Variants in ARID2 observed in about 807,000 individuals in gnomAD.
ARID2 encodes AT-rich interaction domain 2, also known as AT-rich interactive domain-containing protein 2.
In ARID2, 32 loss-of-function variants were observed where a neutral mutation model predicts 184.6. The observed-to-expected ratio is 0.17, with a 90% CI of 0.13 to 0.23. The LOEUF is 0.23. Among genes scored for constraint, ARID2 ranks in the 10% least tolerant of loss-of-function variants. The probability of loss-of-function intolerance (pLI) is 1.00; values close to 1 mark genes in which losing one functional copy is unlikely to be tolerated. For synonymous variants in ARID2, 836 were observed against 772.6 expected (o/e 1.08, Z -1.36); for missense variants, 1,696 against 2,197.6 (o/e 0.77, Z 4.56).
intron 4 of ARID2, among the ~76,000 whole-genome samples, chr12:45,816,602 G>C (rs992519534): frequency 6.6e-6 from 1 of 152,116 alleles, no homozygotes; most frequent in African/African-American, 2.4e-5. Flanking sequence ...AAAAAAATAT[G>C]TCCCGACAAA....
chr12:45,813,173 C>T (rs538781215), intron 4 of ARID2, among the ~76,000 whole-genome samples: 52 of 152,030 alleles, frequency 3.4e-4, no homozygotes, highest in African/African-American at 1.2e-3. Flanking sequence ...TTATGTGTAA[C>T]ATGTGTAATG....
rs563861209 is a variant in ARID2 at position 45,734,870 on chromosome 12, C to A, written c.284+3556C>A. Among the ~76,000 whole-genome samples, 6 of 152,130 alleles carry A rather than the reference C, an allele frequency of 3.9e-5. No individual in the cohort carries two copies. In the East Asian group the frequency reaches 9.7e-4, roughly 24 times the overall value. Reference sequence around the variant, plus strand: ...AAATTTTGTTTTTGCTTACTGATGCCAATATTACAGCTATAGTCAAGGTTA... The same window carrying A: ...AAATTTTGTTTTTGCTTACTGATGCAAATATTACAGCTATAGTCAAGGTTA... On this transcript the variant is annotated intron_variant, in intron 3 of 20. Coordinates refer to ENST00000334344, the MANE Select transcript of ARID2 (RefSeq NM_152641.4).
At position 45,851,113 on chromosome 12, in the gene ARID2, A is replaced by C. The variant is rs781109272; in HGVS notation, c.2990A>C (p.Gln997Pro). 6.2e-7 allele frequency: 1 copy of C among 1,614,052 alleles called. No homozygotes were observed. The highest frequency in any genetic ancestry group is 1.7e-5 in the Admixed American group (1 of 60,010). Residue 997 changes from glutamine to proline, a missense_variant, in exon 15 of 21, where the codon CAG becomes CCG. Physicochemically the swap from Gln to Pro is moderately conservative, Grantham distance 76. Transcript: ENST00000334344. Reference sequence around the variant, plus strand: ...TCGTCGTCCTCTACCCCTCAATCACAGGGACCACCTCCTACTGTCAGTCAA... The same window carrying C: ...TCGTCGTCCTCTACCCCTCAATCACCGGGACCACCTCCTACTGTCAGTCAA... ...AMSSSSTPQS[Q>P]GPPPTVSQML...
intron 4 of ARID2, among the ~76,000 whole-genome samples, chr12:45,816,439 G>T (rs565502099): frequency 6.6e-6 from 1 of 152,314 alleles, no homozygotes; most frequent in East Asian, 1.9e-4. Context: ...TGCTGGCCAG[G>T]ATGGAGAGCA....
At chr12:45,735,430 T>C (rs1223180566) in intron 3 of ARID2, among the ~76,000 whole-genome samples, 1 of 142,518 alleles carries the variant, frequency 7.0e-6, no homozygotes, top group Non-Finnish European at 1.6e-5. Flanking sequence ...TGTGTGTGTG[T>C]GTGTGTGTGT....
At chr12:45,848,090 A>G (rs1264796784) in intron 12 of ARID2, among the ~76,000 whole-genome samples, 2 of 151,994 alleles carry the variant, frequency 1.3e-5, no homozygotes, top group Admixed American at 1.3e-4. Context: ...GAGGGGGAAG[A>G]GAATCATTTT....
intron 16 of ARID2, among the ~76,000 whole-genome samples, chr12:45,861,472 T>C (rs1943745810): frequency 1.3e-5 from 2 of 152,120 alleles, no homozygotes; most frequent in Admixed American, 1.3e-4. Flanking sequence ...GAAGGAAAAC[T>C]TGAAAAGAAT....
At chr12:45,753,445 C>T (rs776890715) in intron 3 of ARID2, among the ~76,000 whole-genome samples, 1 of 152,168 alleles carries the variant, frequency 6.6e-6, no homozygotes, top group Non-Finnish European at 1.5e-5. Context: ...TGCACAGTTT[C>T]ACCTGTAAAA....
chr12:45,822,800 A>T (rs1394270090), intron 6 of ARID2, among the ~76,000 whole-genome samples: 1 of 152,160 alleles, frequency 6.6e-6, no homozygotes, highest in Non-Finnish European at 1.5e-5. Context: ...TCATATATGC[A>T]CTCAACACTG....
At chr12:45,867,036 C>T (rs897156901) in intron 16 of ARID2, among the ~76,000 whole-genome samples, 3 of 151,956 alleles carry the variant, frequency 2.0e-5, no homozygotes, top group African/African-American at 7.3e-5. Flanking sequence ...CTGCAACCTC[C>T]ACCTCCCAAG....
chr12:45,889,713 G>T (rs1385831496), intron 16 of ARID2, among the ~76,000 whole-genome samples: 2 of 152,362 alleles, frequency 1.3e-5, no homozygotes, highest in East Asian at 3.9e-4. Flanking sequence ...GCCGAGGCGG[G>T]TGGATCACAA....
chr12:45,775,295 T>C (rs1035274804), intron 3 of ARID2, among the ~76,000 whole-genome samples: 6 of 152,228 alleles, frequency 3.9e-5, no homozygotes, highest in South Asian at 2.1e-4. Context: ...GAACTATTTT[T>C]GGATCATTGC....
intron 16 of ARID2, among the ~76,000 whole-genome samples, chr12:45,880,271 A>G (rs771317671): frequency 6.6e-5 from 10 of 152,232 alleles, no homozygotes; most frequent in African/African-American, 1.7e-4. Context: ...AAGTCAAACC[A>G]GGAATATAGA....
intron 16 of ARID2, among the ~76,000 whole-genome samples, chr12:45,862,353 T>C (rs1943763877): frequency 6.6e-6 from 1 of 152,208 alleles, no homozygotes. Context: ...CTTCATTCAT[T>C]GAAGGATTAT....
chr12:45,901,666 C>T (rs1407722034), intron 20 of ARID2, among the ~76,000 whole-genome samples: 1 of 151,802 alleles, frequency 6.6e-6, no homozygotes, highest in Non-Finnish European at 1.5e-5. Context: ...GTTTGCTTAT[C>T]CTCCGCCCCC....
intron 3 of ARID2, among the ~76,000 whole-genome samples, chr12:45,751,395 A>C (rs562339149): frequency 1.3e-5 from 2 of 152,336 alleles, no homozygotes; most frequent in South Asian, 4.1e-4. Flanking sequence ...AGAGAGGTAC[A>C]ATCTGGGAGC....
intron 20 of ARID2, among the ~76,000 whole-genome samples, chr12:45,899,337 G>T (rs1219219725): frequency 1.3e-5 from 2 of 149,908 alleles, no homozygotes; most frequent in Non-Finnish European, 3.0e-5. Flanking sequence ...GGGCGTGGTG[G>T]CTCACACCTG....
intron 16 of ARID2, among the ~76,000 whole-genome samples, chr12:45,887,280 G>A (rs1944208002): frequency 6.6e-6 from 1 of 152,106 alleles, no homozygotes; most frequent in African/African-American, 2.4e-5. Flanking sequence ...GCCAGTGACT[G>A]AGAGAAAAGT....
rs2138172919 is a variant in ARID2, at chr12:45,851,684, G to T, written c.3561G>T (p.Val1187=). 1 of 1,614,128 alleles carries T rather than the reference G, an allele frequency of 6.2e-7. No homozygotes were observed. The highest frequency in any genetic ancestry group is 8.5e-7 in the Non-Finnish European group (1 of 1,180,012). Reference sequence around the variant, plus strand: ...ATACGAGTTTTGCACCTGCAACTGTGAGTCAGGGAAATGCAACTCAGCTCA... The same window carrying T: ...ATACGAGTTTTGCACCTGCAACTGTTAGTCAGGGAAATGCAACTCAGCTCA... ...VPNTSFAPAT[V]SQGNATQLIA... The change falls in exon 15 of 21, where the codon GTG becomes GTT. Residue 1187 remains valine, a synonymous_variant. Coordinates refer to ENST00000334344, the MANE Select transcript of ARID2 (RefSeq NM_152641.4).
Sources: gnomAD v4.1 joint callset for allele counts (sites outside exome capture counted in the v4.1 genomes callset) on GRCh38, gnomAD v4.1.1 for gene constraint, MANE v1.5 for transcripts, NCBI Gene and HGNC (gene_info 2026-07-23, HGNC 2026-07-21) for gene names.